The following INPP5F variants were observed in gnomAD, a reference collection of about 807,000 sequenced individuals.
The protein encoded by INPP5F is phosphatidylinositide 4-phosphatase SAC2.
INPP5F carries 97 observed loss-of-function variants against 137.2 expected under a neutral mutation model. That is an observed-to-expected ratio of 0.71 (90% CI 0.60 to 0.84). The LOEUF (loss-of-function observed/expected upper bound fraction) is 0.84. Among genes scored for constraint, INPP5F ranks in the 40% least tolerant of loss-of-function variants. The pLI is 0.00. For synonymous variants in INPP5F, 504 were observed against 476.9 expected (o/e 1.06, Z -0.74); for missense variants, 1,271 against 1,371.9 (o/e 0.93, Z 1.16).
chr10:119,798,786 C>CTT lies in INPP5F; in HGVS notation c.1116+200_1116+201dup, dbSNP rs374141329. On this transcript the variant is annotated intron_variant, in intron 9 of 19. Transcript: ENST00000650623. ...TTAAGAATAATCATTGAGTCAGCTA[C>CTT]TTTTTTTTTTTTTTTTTTTTTTTTT... is the stretch of plus-strand genomic sequence containing the variant. Among the ~76,000 whole-genome samples the CTT allele has an allele frequency of 6.6e-3, 667 of 100,660 alleles. 8 individuals are homozygous for CTT. The highest frequency in any genetic ancestry group is 8.4e-3 in the Non-Finnish European group (425 of 50,536). 66.0% of individuals were successfully genotyped at this position (100,660 alleles called of 152,430 possible).
At chr10:119,746,185 C>T (rs1053212521) in intron 1 of INPP5F, among the ~76,000 whole-genome samples, 1 of 152,176 alleles carries the variant, frequency 6.6e-6, no homozygotes, top group Non-Finnish European at 1.5e-5. Flanking sequence ...ATATGTGTTT[C>T]TCCAATGATG....
intron 1 of INPP5F, among the ~76,000 whole-genome samples, chr10:119,728,057 G>C (rs935041350): frequency 6.6e-6 from 1 of 152,218 alleles, no homozygotes; most frequent in Non-Finnish European, 1.5e-5. Context: ...CTAGATTCTT[G>C]GATGAAGCCA....
intron 12 of INPP5F, among the ~76,000 whole-genome samples, chr10:119,807,389 A>T (rs1477071599): frequency 4.6e-5 from 7 of 152,238 alleles, no homozygotes; most frequent in Admixed American, 4.6e-4. Context: ...TTTGAGTTTA[A>T]GCCCTGGCTC....
chr10:119,746,067 A>G lies in INPP5F; in HGVS notation c.98-5009A>G, dbSNP rs558202072. On this transcript the variant is annotated intron_variant, in intron 1 of 19. Transcript: ENST00000650623. ...TTAGTTTACTTTTCTAGCATTATCA[A>G]TTCATATCTCCAGTGTACCTACTGG... is the stretch of plus-strand genomic sequence containing the variant. Among the ~76,000 whole-genome samples the G allele has an allele frequency of 3.7e-4, 57 of 152,120 alleles. No individual in the cohort carries two copies. In the Middle Eastern group the frequency reaches 0.01, roughly 27 times the overall value.
At chr10:119,729,601 G>A (rs1847992781) in intron 1 of INPP5F, among the ~76,000 whole-genome samples, 2 of 150,996 alleles carry the variant, frequency 1.3e-5, no homozygotes, top group Admixed American at 6.6e-5. Flanking sequence ...TTCTGAGACA[G>A]GGTCTTGCTC....
Position 119,820,986 on chromosome 10 carries a change from T to C in INPP5F, c.1958+69T>C. 4.0e-6 allele frequency: 4 copies of C among 992,118 alleles called. No individual in the cohort carries two copies. The South Asian group carries it at 5.3e-5, about 13-fold the overall frequency. 61.5% of individuals were successfully genotyped at this position (992,118 alleles called of 1,614,324 possible). On this transcript the variant is annotated intron_variant, in intron 16 of 19. Transcript: ENST00000650623. ...ACTTGAGTAAATTTTCTTTTTAGAA[T>C]TCGTAACAAAAAAATGTGAGAATAT...
chr10:119,727,771 A>G (rs1847935739), intron 1 of INPP5F, among the ~76,000 whole-genome samples: 1 of 152,186 alleles, frequency 6.6e-6, no homozygotes, highest in South Asian at 2.1e-4. Context: ...TGGATAGGCT[A>G]ATTTTGGCCA....
chr10:119,765,834 TACTA>T (rs1304982381), intron 2 of INPP5F, among the ~76,000 whole-genome samples: 1 of 142,590 alleles, frequency 7.0e-6, no homozygotes, highest in East Asian at 2.0e-4. Context: ...TATATATAAA[TACTA>T]ATTAATCTCT....
At chr10:119,824,923 A>G (rs932269609) in intron 19 of INPP5F, among the ~76,000 whole-genome samples, 4 of 152,218 alleles carry the variant, frequency 2.6e-5, no homozygotes, top group African/African-American at 7.2e-5. Flanking sequence ...TAGAATTCAT[A>G]ACTACCATTT....
intron 15 of INPP5F, 115 bp downstream of exon 15, chr10:119,812,070 T>G: frequency 2.6e-6 from 2 of 766,542 alleles, no homozygotes; most frequent in Non-Finnish European, 4.3e-6. Context: ...GGCGCGTGAC[T>G]ATTTCCTCTA....
intron 2 of INPP5F, among the ~76,000 whole-genome samples, chr10:119,765,880 TAGAGAGAGAG>T (rs3065469): frequency 0.01 from 1,448 of 144,284 alleles, 47 homozygotes; most frequent in African/African-American, 0.036. Flanking sequence ...TATATATATA[TAGAGAGAGAG>T]AGAGAGAGAC....
rs1442108682 is a variant in INPP5F at position 119,748,050 on chromosome 10, G to T, written c.98-3026G>T. On this transcript the variant is annotated intron_variant, in intron 1 of 19. Coordinates refer to ENST00000650623, the MANE Select transcript of INPP5F (RefSeq NM_014937.4). The surrounding 1 kb of genome is among the most constrained non-coding windows in gnomAD (Gnocchi z 4.7). ...TGTCTTGGCTCGGCAAGCTGTGCTG[G>T]GCTTGCACTACCAGCCCGGATCCCA... 6.6e-6 allele frequency among the ~76,000 whole-genome samples: 1 copy of T among 152,216 alleles called. No homozygotes were observed. The highest frequency in any genetic ancestry group is 2.4e-5 in the African/African-American group (1 of 41,450).
intron 6 of INPP5F, among the ~76,000 whole-genome samples, chr10:119,794,706 C>G (rs1850271549): frequency 6.8e-6 from 1 of 147,678 alleles, no homozygotes; most frequent in African/African-American, 2.5e-5. Context: ...GCTGACCCCC[C>G]ACCTCCCTCC....
intron 6 of INPP5F, among the ~76,000 whole-genome samples, chr10:119,795,249 CG>C (rs1395993006): frequency 6.8e-6 from 1 of 147,966 alleles, no homozygotes; most frequent in African/African-American, 2.5e-5. Context: ...GCTGGCCGGG[CG>C]GGGGGCTGAC....
chr10:119,767,371 A>G (rs1188168018), intron 2 of INPP5F, among the ~76,000 whole-genome samples: 1 of 152,182 alleles, frequency 6.6e-6, no homozygotes, highest in Non-Finnish European at 1.5e-5. Flanking sequence ...GTACAAATTT[A>G]CATTAGGCTT....
In INPP5F at chr10:119,827,463, G is replaced by T. The variant is rs761684832; in HGVS notation, c.3082G>T (p.Val1028Phe). Reference sequence around the variant, plus strand: ...TGCAACAGGCCCACAGTTTTTGTCAGTTGAGCCAGCGCATTCAGTTGCATC... The same window carrying T: ...TGCAACAGGCCCACAGTTTTTGTCATTTGAGCCAGCGCATTCAGTTGCATC... ...LSATGPQFLS[V>F]EPAHSVASQK... Residue 1028 changes from valine (V) to phenylalanine (F), a missense_variant, in exon 20 of 20, where the codon GTT (valine) becomes TTT (phenylalanine). Around this residue, in one of 6 missense-constraint regions of INPP5F, gnomAD observed 490 missense variants for 443.7 expected, o/e 1.10. Transcript: ENST00000650623. The T allele has an allele frequency of 2.5e-6, 4 of 1,614,196 alleles. No individual in the cohort carries two copies. Among genetic ancestry groups the T allele is most frequent in the East Asian group, 4.5e-5 (2 of 44,880 alleles).
chr10:119,799,297 A>AT (rs757639395), intron 9 of INPP5F: 577 of 435,348 alleles, frequency 1.3e-3, no homozygotes, highest in South Asian at 2.3e-3. Context: ...AGGTAAATGC[A>AT]TTTTTTTTTC....
At chr10:119,806,241 G>A in intron 11 of INPP5F, 119 bp from the exon 12 acceptor site, 1 of 634,846 alleles carries the variant, frequency 1.6e-6, no homozygotes, top group South Asian at 2.7e-5. Context: ...AGCATATAAA[G>A]ATACACCAAG....
chr10:119,738,710 AC>A (rs1848289210), intron 1 of INPP5F, among the ~76,000 whole-genome samples: 2 of 152,132 alleles, frequency 1.3e-5, no homozygotes, highest in Non-Finnish European at 1.5e-5. Context: ...CAGGCGCTAT[AC>A]CAGGCAGCGA....
Sources: allele counts gnomAD v4.1 joint callset (sites outside exome capture counted in the v4.1 genomes callset), GRCh38; gene constraint gnomAD v4.1.1; regional missense constraint gnomAD v4.1.1; non-coding constraint Gnocchi (gnomAD v3.1); transcripts MANE v1.5; gene names NCBI Gene and HGNC (gene_info 2026-07-23, HGNC 2026-07-21).